Variants in SMIM14 observed in about 807,000 individuals in gnomAD.
SMIM14 encodes chromosome 4 open reading frame 34.
SMIM14 carries 5 observed loss-of-function variants against 12.6 expected under a neutral mutation model. The ratio of observed to expected loss-of-function variants is 0.40; its 90% confidence interval spans 0.21 to 0.83. The LOEUF (loss-of-function observed/expected upper bound fraction) is 0.83. SMIM14 is among the 40% of genes least tolerant of loss of function. SMIM14 has a pLI of 0.37. For missense variants in SMIM14, 86 were observed against 119.1 expected (o/e 0.72, Z 1.29); for synonymous variants, 30 against 40.1 (o/e 0.75, Z 0.95).
intron 2 of SMIM14, among the ~76,000 whole-genome samples, chr4:39,576,710 T>A (rs1197700696): frequency 4.5e-4 from 32 of 70,948 alleles, no homozygotes; most frequent in African/African-American, 1.7e-3. Flanking sequence ...TTTTTTTTTT[T>A]TTTTTTTTTT....
intron 2 of SMIM14, among the ~76,000 whole-genome samples, chr4:39,590,345 G>C (rs1205241270): frequency 6.6e-6 from 1 of 150,760 alleles, no homozygotes; most frequent in Non-Finnish European, 1.5e-5. Flanking sequence ...GAATTGAGGT[G>C]GAAGTTACGG....
At chr4:39,635,251 C>G (rs920410185) in intron 1 of SMIM14, among the ~76,000 whole-genome samples, 1 of 152,160 alleles carries the variant, frequency 6.6e-6, no homozygotes, top group East Asian at 1.9e-4. Flanking sequence ...CAGGAAGAAA[C>G]TCACATGGCC....
At chr4:39,576,955 C>T (rs1055119937) in intron 2 of SMIM14, among the ~76,000 whole-genome samples, 2 of 151,422 alleles carry the variant, frequency 1.3e-5, no homozygotes, top group African/African-American at 4.8e-5. Flanking sequence ...CAGTGATCTG[C>T]CCGCCTCGGC....
chr4:39,571,572 C>T (rs989278171), intron 3 of SMIM14, among the ~76,000 whole-genome samples: 1 of 151,588 alleles, frequency 6.6e-6, no homozygotes, highest in Non-Finnish European at 1.5e-5. Context: ...AAGCAAGACA[C>T]TGTTTCTTAA....
chr4:39,577,653 C>G (rs962777298), intron 2 of SMIM14, among the ~76,000 whole-genome samples: 1 of 152,116 alleles, frequency 6.6e-6, no homozygotes, highest in Admixed American at 6.6e-5. Flanking sequence ...GTCTTGAACT[C>G]GTGACCTCAA....
chr4:39,610,606 G>GA (rs149641232), intron 1 of SMIM14, among the ~76,000 whole-genome samples: 6,261 of 151,196 alleles, frequency 0.041, 169 homozygotes, highest in Non-Finnish European at 0.063. Context: ...GAAGTAGGGG[G>GA]ATCGCTTGAG....
intron 2 of SMIM14, among the ~76,000 whole-genome samples, chr4:39,582,303 T>A (rs1463357349): frequency 1.3e-5 from 2 of 152,304 alleles, no homozygotes; most frequent in Non-Finnish European, 2.9e-5. Flanking sequence ...TGTATTTAAC[T>A]GGATCTTTCC....
chr4:39,552,014 T>A lies in SMIM14; in HGVS notation c.*112A>T. On this transcript the variant is annotated 3_prime_UTR_variant, in exon 5 of 5. Transcript: ENST00000295958. ...AGCTCATGAAAACAATACCATCCCA[T>A]ATTGCAGATACAAAAGGAAAAACAG... 1.3e-6 allele frequency: 1 copy of A among 760,048 alleles called. No individual in the cohort carries two copies. Among genetic ancestry groups the A allele is most frequent in the Non-Finnish European group, 2.1e-6 (1 of 483,308 alleles). 47.1% of individuals were successfully genotyped at this position (760,048 alleles called of 1,614,324 possible). A position where few individuals can be genotyped will look rare whatever the true frequency, so the allele number is the denominator to read the frequency against.
At chr4:39,570,789 C>T (rs916340073) in intron 3 of SMIM14, among the ~76,000 whole-genome samples, 3 of 151,884 alleles carry the variant, frequency 2.0e-5, no homozygotes, top group African/African-American at 7.3e-5. Flanking sequence ...CCCAAGTAGC[C>T]GGGACTCCAG....
intron 2 of SMIM14, among the ~76,000 whole-genome samples, chr4:39,597,479 T>C (rs895932730): frequency 6.8e-5 from 10 of 146,808 alleles, no homozygotes; most frequent in African/African-American, 2.5e-4. Context: ...AGTCTGGCTC[T>C]GTTGCCCAGG....
intron 1 of SMIM14, among the ~76,000 whole-genome samples, chr4:39,617,632 A>G (rs1715272524): frequency 6.6e-6 from 1 of 152,212 alleles, no homozygotes; most frequent in African/African-American, 2.4e-5. Context: ...GAAGATATTA[A>G]AAAGTATGTA....
intron 1 of SMIM14, among the ~76,000 whole-genome samples, chr4:39,607,420 T>G (rs532600974): frequency 1.2e-4 from 18 of 152,280 alleles, no homozygotes; most frequent in African/African-American, 4.3e-4. Flanking sequence ...TTAACATAAA[T>G]TCACTCAAAA....
At chr4:39,585,767 C>T (rs1713755835) in intron 2 of SMIM14, among the ~76,000 whole-genome samples, 1 of 151,984 alleles carries the variant, frequency 6.6e-6, no homozygotes, top group Non-Finnish European at 1.5e-5. Context: ...AGCACCAACC[C>T]CAAGGCTTTG....
chr4:39,608,271 C>T (rs781047078), intron 1 of SMIM14, among the ~76,000 whole-genome samples: 56 of 152,126 alleles, frequency 3.7e-4, no homozygotes, highest in Admixed American at 2.2e-3. Flanking sequence ...CCAGGCAACA[C>T]GGTGAGCAAG....
intron 1 of SMIM14, among the ~76,000 whole-genome samples, chr4:39,634,270 A>G (rs1459728477): frequency 6.6e-6 from 1 of 152,180 alleles, no homozygotes; most frequent in Non-Finnish European, 1.5e-5. Context: ...ACTTCAGGCA[A>G]AAAGACCAAC....
chr4:39,624,830 A>C (rs1003715050), intron 1 of SMIM14, among the ~76,000 whole-genome samples: 1 of 151,446 alleles, frequency 6.6e-6, no homozygotes, highest in African/African-American at 2.4e-5. Flanking sequence ...AAAAAAAAAA[A>C]AAAACTTCCT....
At chr4:39,619,706 TTC>T in intron 1 of SMIM14, among the ~76,000 whole-genome samples, 2 of 126,116 alleles carry the variant, frequency 1.6e-5, no homozygotes, top group African/African-American at 6.1e-5. Context: ...ATATAATTTA[TTC>T]TATATATCAA....
chr4:39,576,814 C>T (rs1449224659), intron 2 of SMIM14, among the ~76,000 whole-genome samples: 7 of 145,098 alleles, frequency 4.8e-5, no homozygotes, highest in East Asian at 4.2e-4. Flanking sequence ...TGGGTTCAAG[C>T]GATTCTCCTG....
chr4:39,616,287 C>T (rs1372079179), intron 1 of SMIM14, among the ~76,000 whole-genome samples: 1 of 152,176 alleles, frequency 6.6e-6, no homozygotes, highest in Admixed American at 6.5e-5. Flanking sequence ...AGGCGTGTGC[C>T]ACCATACCTG....
Sources: gnomAD v4.1 joint callset for allele counts (sites outside exome capture counted in the v4.1 genomes callset) on GRCh38, gnomAD v4.1.1 for gene constraint, MANE v1.5 for transcripts, NCBI Gene and HGNC (gene_info 2026-07-23, HGNC 2026-07-21) for gene names.